Variants in PCDHGA9 observed in about 807,000 individuals in gnomAD.
The protein encoded by PCDHGA9 is protocadherin gamma-A9.
Under a neutral mutation model 62.5 loss-of-function variants are expected in PCDHGA9, and 37 were observed. The observed-to-expected ratio is 0.59, with a 90% CI of 0.46 to 0.78. The LOEUF (loss-of-function observed/expected upper bound fraction) is 0.78. PCDHGA9 is among the 30% of genes least tolerant of loss of function. PCDHGA9 has a pLI of 0.00. For missense variants in PCDHGA9, 1,138 were observed against 1,166.2 expected, an observed-to-expected ratio of 0.98 and a Z score of 0.35; for synonymous variants, 459 against 484.6, an observed-to-expected ratio of 0.95 and a Z score of 0.69.
chr5:141,427,638 C>A, intron 1 of PCDHGA9: 1 of 708,528 alleles, frequency 1.4e-6, no homozygotes, highest in East Asian at 2.7e-5. Context: ...GGTTTTCCAC[C>A]AAGTCTCCTA....
chr5:141,496,992 C>T (rs1055856428), intron 2 of PCDHGA9, among the ~76,000 whole-genome samples: 2 of 151,918 alleles, frequency 1.3e-5, no homozygotes, highest in African/African-American at 2.4e-5. Context: ...TTGAGACCAG[C>T]CTGGCAGCCA....
chr5:141,470,565 A>T (rs2099233471), intron 1 of PCDHGA9, among the ~76,000 whole-genome samples: 1 of 152,172 alleles, frequency 6.6e-6, no homozygotes, highest in African/African-American at 2.4e-5. Context: ...CCTCTGTGCC[A>T]AGCAGGATCA....
rs754178145 is a variant in PCDHGA9 at position 141,489,423 on chromosome 5, C to G, written c.2425-5384C>G. On this transcript the variant is annotated intron_variant, in intron 1 of 3. Transcript: ENST00000573521. The surrounding 1 kb of genome is among the most constrained non-coding windows in gnomAD (Gnocchi z 4.5). ...GCTTAAAGATGACAGATCTGTTGAG[C>G]CGGCGGCTGCAATTGGGCTCTGAGG... 3 of 1,614,098 alleles carry G rather than the reference C, an allele frequency of 1.9e-6. No individual in the cohort carries two copies. The highest frequency in any genetic ancestry group is 1.7e-5 in the Admixed American group (1 of 60,020).
chr5:141,500,271 C>T (rs936454651), intron 2 of PCDHGA9, among the ~76,000 whole-genome samples: 3 of 151,598 alleles, frequency 2.0e-5, no homozygotes, highest in African/African-American at 7.3e-5. Flanking sequence ...TGCAGTGGCG[C>T]AATCTCGGCT....
rs1395556571 is a variant in PCDHGA9 at position 141,432,581 on chromosome 5, C to CT, written c.2424+27206dup. ...CCAGAACGCCTGGCTGTCCTACCGT[C>CT]TGCTCAAGGCCAGCGAGCCGGGACT... On this transcript the variant is annotated intron_variant, in intron 1 of 3. Coordinates refer to ENST00000573521, the MANE Select transcript of PCDHGA9 (RefSeq NM_018921.3). This position sits in a 1 kb window ranked among gnomAD's most constrained non-coding sequence, Gnocchi z 6.0. 6.2e-7 allele frequency: 1 copy of CT among 1,613,930 alleles called. No homozygotes were observed.
At position 141,477,483 on chromosome 5, in the gene PCDHGA9, A is replaced by T; in HGVS notation, c.2425-17324A>T. ...TCCGACATCAATGACAACCCTCCAC[A>T]ATCTTCTCAATCTTCCTACGACGTT... On this transcript the variant is annotated intron_variant, in intron 1 of 3. Coordinates refer to ENST00000573521, the MANE Select transcript of PCDHGA9 (RefSeq NM_018921.3). The surrounding 1 kb of genome is among the most constrained non-coding windows in gnomAD (Gnocchi z 4.9). 1 of 1,614,028 alleles carries T rather than the reference A, an allele frequency of 6.2e-7. No homozygotes were observed.
Position 141,485,519 on chromosome 5 carries a change from A to T in PCDHGA9, c.2425-9288A>T. ...GTTTGTCACCGAAGGTCCTTTGGAA[A>T]TGTACCGAGCAGAGGTAGAGATCGT... On this transcript the variant is annotated intron_variant, in intron 1 of 3. Transcript: ENST00000573521. The surrounding 1 kb of genome is among the most constrained non-coding windows in gnomAD (Gnocchi z 5.7). The T allele has an allele frequency of 6.2e-7, 1 of 1,614,150 alleles. No individual in the cohort carries two copies. The highest frequency in any genetic ancestry group is 8.5e-7 in the Non-Finnish European group (1 of 1,180,018).
Position 141,491,422 on chromosome 5 carries a change from G to A in PCDHGA9, c.2425-3385G>A. 1 of 1,614,112 alleles carries A rather than the reference G, an allele frequency of 6.2e-7. No individual in the cohort carries two copies. Among genetic ancestry groups the A allele is most frequent in the East Asian group, 2.2e-5 (1 of 44,874 alleles). On this transcript the variant is annotated intron_variant, in intron 1 of 3. Coordinates refer to ENST00000573521, the MANE Select transcript of PCDHGA9 (RefSeq NM_018921.3). The surrounding 1 kb of genome is among the most constrained non-coding windows in gnomAD (Gnocchi z 6.9). The stretch of plus-strand genomic sequence containing the variant: ...AAACGCAGACGGGGACGGGGGTGGA[G>A]GGCAGTGCTGCAGGCGCCAGGACTC...
chr5:141,442,321 C>G (rs1323525940), intron 1 of PCDHGA9: 1 of 152,360 alleles, frequency 6.6e-6, no homozygotes, highest in African/African-American at 2.4e-5. Context: ...ATGTCTATCC[C>G]GCGCTAAGCC....
intron 1 of PCDHGA9, among the ~76,000 whole-genome samples, chr5:141,451,579 A>T (rs1222576609): frequency 6.6e-6 from 1 of 152,084 alleles, no homozygotes; most frequent in African/African-American, 2.4e-5. Flanking sequence ...TTATAAACCT[A>T]ATTTTGAAAG....
intron 1 of PCDHGA9, chr5:141,418,306 GA>G: frequency 6.2e-7 from 1 of 1,614,032 alleles, no homozygotes; most frequent in East Asian, 2.2e-5. Flanking sequence ...TCAGCCTGGG[GA>G]TGGGAACAAT....
rs2099756055 is a variant in PCDHGA9, at chr5:141,494,679, C to T, written c.2425-128C>T. The T allele has an allele frequency of 3.9e-6, 6 of 1,556,494 alleles. No homozygotes were observed. In the South Asian group the frequency reaches 4.7e-5, roughly 12 times the overall value. ...GTCTTTGGAGATGAGTCCACCCCTG[C>T]CCCCTCTTAGTCCGTTTTCTTCTCT... is the stretch of plus-strand genomic sequence containing the variant. On this transcript the variant is annotated intron_variant, in intron 1 of 3. Coordinates refer to ENST00000573521, the MANE Select transcript of PCDHGA9 (RefSeq NM_018921.3).
At chr5:141,410,041 G>A (rs763879404) in intron 1 of PCDHGA9, 2 of 1,613,228 alleles carry the variant, frequency 1.2e-6, no homozygotes, top group East Asian at 2.2e-5. Flanking sequence ...AGGCCAGTGA[G>A]CCCGGACTCT....
intron 1 of PCDHGA9, chr5:141,408,869 A>G (rs754873472): frequency 1.9e-6 from 3 of 1,613,572 alleles, no homozygotes; most frequent in African/African-American, 2.7e-5. Flanking sequence ...CCCACCAAGA[A>G]GTGCCACCGC....
chr5:141,430,234 A>G (rs2097268213), intron 1 of PCDHGA9, among the ~76,000 whole-genome samples: 1 of 130,034 alleles, frequency 7.7e-6, no homozygotes, highest in South Asian at 2.4e-4. Flanking sequence ...TGTCAAAAAG[A>G]GAAACTCCTA....
chr5:141,422,520 G>T, intron 1 of PCDHGA9: 2 of 1,613,946 alleles, frequency 1.2e-6, no homozygotes, highest in Middle Eastern at 1.6e-4. Flanking sequence ...AGGGAAGCCC[G>T]CCTTTGTCTG....
rs2099718995 is a variant in PCDHGA9 at position 141,491,523 on chromosome 5, G to A, written c.2425-3284G>A. On this transcript the variant is annotated intron_variant, in intron 1 of 3. Transcript: ENST00000573521. This position sits in a 1 kb window ranked among gnomAD's most constrained non-coding sequence, Gnocchi z 6.9. ...CGGACGGCACGCTCAAGTACATGGAGGTGACGCTGCGGCCCACAGACTCGC... is the reference window on the plus strand; with the variant it reads ...CGGACGGCACGCTCAAGTACATGGAAGTGACGCTGCGGCCCACAGACTCGC... The A allele has an allele frequency of 3.1e-6, 5 of 1,613,954 alleles. No individual in the cohort carries two copies. The highest frequency in any genetic ancestry group is 3.4e-6 in the Non-Finnish European group (4 of 1,180,032).
chr5:141,413,446 G>T, intron 1 of PCDHGA9: 4 of 1,614,130 alleles, frequency 2.5e-6, no homozygotes, highest in Non-Finnish European at 3.4e-6. Context: ...CTTGATCACC[G>T]CGGGCAGGAT....
chr5:141,427,875 C>A, intron 1 of PCDHGA9: 1 of 1,560,408 alleles, frequency 6.4e-7, no homozygotes. Flanking sequence ...GCTCACGATG[C>A]AGGCCCACGA....
Sources: allele counts gnomAD v4.1 joint callset (sites outside exome capture counted in the v4.1 genomes callset), GRCh38; gene constraint gnomAD v4.1.1; non-coding constraint Gnocchi (gnomAD v3.1); transcripts MANE v1.5; gene names NCBI Gene and HGNC (gene_info 2026-07-23, HGNC 2026-07-21).